PFKM: variants seen among roughly 807,000 people sequenced by gnomAD.
The protein encoded by PFKM is phosphofructokinase, muscle.
A neutral mutation model predicts 95.5 loss-of-function variants in PFKM; 58 were observed. That is an observed-to-expected ratio of 0.61 (90% confidence interval 0.49 to 0.76). The LOEUF is 0.76. Among genes scored for constraint, PFKM ranks in the 30% least tolerant of loss-of-function variants. PFKM has a pLI of 0.00. For synonymous variants in PFKM, 336 were observed against 357.2 expected, an observed-to-expected ratio of 0.94 and a Z score of 0.67; for missense variants, 678 against 1,005.4, an observed-to-expected ratio of 0.67 and a Z score of 4.40.
At chr12:48,128,914 C>T (rs1949129723) in intron 2 of PFKM, among the ~76,000 whole-genome samples, 1 of 152,194 alleles carries the variant, frequency 6.6e-6, no homozygotes, top group Non-Finnish European at 1.5e-5. Context: ...CCCTGTGCAT[C>T]ACCATGTGCT....
At chr12:48,106,133 G>C (rs1297061041) in exon 1 of PFKM, 2 of 702,466 alleles carry the variant, frequency 2.8e-6, no homozygotes, top group Admixed American at 4.0e-5. Context: ...CGGAAGAGTC[G>C]CTAGGTGGCT....
At chr12:48,124,661 G>A (rs1188134583) in intron 2 of PFKM, among the ~76,000 whole-genome samples, 2 of 152,148 alleles carry the variant, frequency 1.3e-5, no homozygotes, top group African/African-American at 4.8e-5. Context: ...TGGAGGCAGG[G>A]ACTATAGATA....
intron 4 of PFKM, among the ~76,000 whole-genome samples, chr12:48,132,517 A>G (rs1289048221): frequency 3.9e-5 from 6 of 152,240 alleles, no homozygotes; most frequent in Non-Finnish European, 7.3e-5. Flanking sequence ...GAGAATTTCT[A>G]AAGACTGAAG....
chr12:48,143,941 C>T, intron 19 of PFKM, 105 bp from the exon 20 acceptor site: 1 of 1,111,856 alleles, frequency 9.0e-7, no homozygotes, highest in South Asian at 1.2e-5. Flanking sequence ...CAGCCTATCC[C>T]TTGAATCCTT....
rs1388234702 is a variant in PFKM at position 48,134,975 on chromosome 12, CATT to C, written c.781_783del (p.Ile261del). 1.9e-6 allele frequency: 3 copies of C among 1,614,126 alleles called. No individual in the cohort carries two copies. The Admixed American group carries it at 5.0e-5, about 27-fold the overall frequency. ...CCCGTGGTTCTCGTCTCAACATCAT[CATT>C]GTGGCTGAGGGTGCAATTGACAAGA... On this transcript the variant is annotated inframe_deletion, in exon 9 of 23. Transcript: ENST00000359794.
At chr12:48,138,670 T>C (rs746040926) in intron 11 of PFKM, among the ~76,000 whole-genome samples, 21 of 152,192 alleles carry the variant, frequency 1.4e-4, no homozygotes, top group Non-Finnish European at 2.4e-4. Context: ...CTCATGACTT[T>C]AGAGGCTGCT....
In PFKM at chr12:48,108,231, G is replaced by A. The variant is rs767661403; in HGVS notation, c.205+37G>A. 1.5e-5 allele frequency: 23 copies of A among 1,579,746 alleles called. No homozygotes were observed. The African/African-American group carries it at 2.7e-4, about 19-fold the overall frequency. ...GGGTCAACAGTGAGAAATGTTCAAAGGAATATGGGAAAGTGAAAGTTGTAT... is the reference window on the plus strand; with the variant it reads ...GGGTCAACAGTGAGAAATGTTCAAAAGAATATGGGAAAGTGAAAGTTGTAT... On this transcript the variant is annotated intron_variant, in intron 3 of 24. Transcript: ENST00000340802.
At chr12:48,125,984 T>C (rs980509158) in intron 2 of PFKM, among the ~76,000 whole-genome samples, 10 of 152,232 alleles carry the variant, frequency 6.6e-5, no homozygotes, top group African/African-American at 2.4e-4. Context: ...TAGATTTTTT[T>C]TCTGTCTAGT....
At chr12:48,108,527 T>C (rs71462990) in intron 3 of PFKM, among the ~76,000 whole-genome samples, 1 of 152,224 alleles carries the variant, frequency 6.6e-6, no homozygotes, top group Non-Finnish European at 1.5e-5. Context: ...TTTATCCTAT[T>C]GTCAGCATCC....
At chr12:48,106,245 G>T (rs562822545) in intron 1 of PFKM, 1 of 623,894 alleles carries the variant, frequency 1.6e-6, no homozygotes, top group East Asian at 2.8e-5. Context: ...GAGCATTTAA[G>T]ACTAGTCGTA....
chr12:48,105,790 G>C (rs975653626), upstream of PFKM: 2 of 584,556 alleles, frequency 3.4e-6, no homozygotes, highest in South Asian at 2.0e-5. Flanking sequence ...AGGAGAGAGA[G>C]ACCAGAAGGA....
chr12:48,123,001 C>A, intron 2 of PFKM, 142 bp downstream of exon 2: 1 of 702,600 alleles, frequency 1.4e-6, no homozygotes. Context: ...CCTAAGTCCT[C>A]AAGTGCATTT....
intron 2 of PFKM, among the ~76,000 whole-genome samples, chr12:48,125,780 G>A (rs1050043166): frequency 6.6e-6 from 1 of 152,012 alleles, no homozygotes; most frequent in East Asian, 1.9e-4. Context: ...TTAAAGGTTC[G>A]CACGAACAGA....
At chr12:48,123,451 A>T (rs774876978) in intron 2 of PFKM, among the ~76,000 whole-genome samples, 1 of 152,162 alleles carries the variant, frequency 6.6e-6, no homozygotes, top group Non-Finnish European at 1.5e-5. Flanking sequence ...ACCCTTTTCT[A>T]GGTTGAATTT....
intron 2 of PFKM, chr12:48,108,038 A>G (rs778717775): frequency 1.9e-6 from 3 of 1,598,014 alleles, no homozygotes; most frequent in Non-Finnish European, 2.5e-6. Context: ...CCAGAATCCC[A>G]CCTTGAGGGT....
intron 12 of PFKM, 71 bp downstream of exon 12, chr12:48,139,420 C>T: frequency 8.6e-7 from 1 of 1,168,044 alleles, no homozygotes; most frequent in Non-Finnish European, 1.3e-6. Context: ...ATCTCCATGG[C>T]TCCAGGCCCA....
intron 1 of PFKM, chr12:48,119,919 G>A (rs1034468930): frequency 6.6e-5 from 10 of 152,128 alleles, no homozygotes; most frequent in African/African-American, 1.4e-4. Flanking sequence ...GAATATGAGC[G>A]GTTTTTACAG....
intron 5 of PFKM, 71 bp from the exon 6 acceptor site, chr12:48,133,244 C>G (rs1949702390): frequency 1.4e-6 from 2 of 1,404,140 alleles, no homozygotes; most frequent in East Asian, 2.3e-5. Context: ...GTTTCTCTCT[C>G]TCTAGATATC....
intron 2 of PFKM, among the ~76,000 whole-genome samples, chr12:48,129,705 G>A (rs1252287722): frequency 6.6e-6 from 1 of 152,200 alleles, no homozygotes; most frequent in Admixed American, 6.5e-5. Flanking sequence ...GTGAACTTGT[G>A]AATAAACTGT....
Sources: allele counts gnomAD v4.1 joint callset (sites outside exome capture counted in the v4.1 genomes callset), GRCh38; gene constraint gnomAD v4.1.1; transcripts MANE v1.5; gene names NCBI Gene and HGNC (gene_info 2026-07-23, HGNC 2026-07-21).